Variants in DLG2 observed in about 807,000 individuals in gnomAD.
DLG2 encodes discs large MAGUK scaffold protein 2, also known as disks large homolog 2.
Under a neutral mutation model 132.5 loss-of-function variants are expected in DLG2, and 45 were observed. The ratio of observed to expected loss-of-function variants is 0.34; its 90% CI spans 0.27 to 0.44. The LOEUF (loss-of-function observed/expected upper bound fraction) is 0.44. DLG2 is among the 20% of genes least tolerant of loss of function. DLG2 has a pLI of 1.00. For missense variants in DLG2, 1,045 were observed against 1,196.9 expected, an observed-to-expected ratio of 0.87 and a Z score of 1.87; for synonymous variants, 424 against 419.6, an observed-to-expected ratio of 1.01 and a Z score of -0.13.
intron 19 of DLG2, among the ~76,000 whole-genome samples, chr11:83,630,155 A>G (rs2063318701): frequency 6.6e-6 from 1 of 152,210 alleles, no homozygotes. Flanking sequence ...TATTTAAAAT[A>G]CTGCCTGGCT....
chr11:84,115,046 C>A (rs2093566892), intron 9 of DLG2, among the ~76,000 whole-genome samples: 1 of 152,140 alleles, frequency 6.6e-6, no homozygotes, highest in South Asian at 2.1e-4. Flanking sequence ...GTTTTATATT[C>A]TATTTGTTAA....
intron 7 of DLG2, among the ~76,000 whole-genome samples, chr11:84,456,788 T>C (rs1470573485): frequency 6.6e-6 from 1 of 151,246 alleles, no homozygotes. Context: ...AGAATGCAAG[T>C]TCTGTGAAGG....
Position 84,910,710 on chromosome 11 carries a change from C to G in DLG2, c.357+200951G>C, listed in dbSNP as rs1435451299. Among the ~76,000 whole-genome samples the G allele has an allele frequency of 1.3e-5, 2 of 151,998 alleles. 1 individual carries two copies. The highest frequency in any genetic ancestry group is 2.9e-5 in the Non-Finnish European group (2 of 68,006). Reference sequence around the variant, plus strand: ...GGAGGATAGTTTGAGCCCAGGAGTTCGAGACCTGCCTGGGCAATATAGCGA... The same window carrying G: ...GGAGGATAGTTTGAGCCCAGGAGTTGGAGACCTGCCTGGGCAATATAGCGA... On this transcript the variant is annotated intron_variant, in intron 6 of 27. Transcript: ENST00000376104.
intron 18 of DLG2, among the ~76,000 whole-genome samples, chr11:83,785,366 T>G (rs1450436156): frequency 6.6e-6 from 1 of 152,182 alleles, no homozygotes; most frequent in African/African-American, 2.4e-5. Context: ...TGATGGATAA[T>G]TTTTAAAGCA....
At chr11:85,606,011 C>G (rs918332818) in intron 2 of DLG2, among the ~76,000 whole-genome samples, 12 of 151,876 alleles carry the variant, frequency 7.9e-5, no homozygotes, top group Non-Finnish European at 1.8e-4. Flanking sequence ...TCATAAGGTA[C>G]CAGGTACCAT....
intron 7 of DLG2, among the ~76,000 whole-genome samples, chr11:84,492,208 C>T (rs2099167045): frequency 6.6e-6 from 1 of 152,066 alleles, no homozygotes; most frequent in Non-Finnish European, 1.5e-5. Context: ...AATTATTTTA[C>T]CCCATAGAAT....
intron 7 of DLG2, among the ~76,000 whole-genome samples, chr11:84,374,455 C>A (rs550477704): frequency 4.6e-5 from 7 of 152,258 alleles, no homozygotes; most frequent in African/African-American, 1.4e-4. Flanking sequence ...TGTAAACTTT[C>A]TTAAAATATA....
chr11:84,042,637 G>C (rs927798135), intron 11 of DLG2, among the ~76,000 whole-genome samples: 3 of 151,700 alleles, frequency 2.0e-5, no homozygotes, highest in Non-Finnish European at 4.4e-5. Flanking sequence ...TAAGTTCCAG[G>C]GTACATGTGC....
At chr11:84,019,694 A>C (rs2154075893) in intron 11 of DLG2, among the ~76,000 whole-genome samples, 1 of 152,304 alleles carries the variant, frequency 6.6e-6, no homozygotes, top group Admixed American at 6.5e-5. Context: ...ACACAGAAAC[A>C]GACATGCATA....
chr11:84,088,091 T>G (rs758263326), intron 10 of DLG2, among the ~76,000 whole-genome samples: 43 of 152,208 alleles, frequency 2.8e-4, no homozygotes, highest in Non-Finnish European at 5.0e-4. Context: ...ATCTTTTAAC[T>G]TCTTGATAGT....
At position 85,219,938 on chromosome 11, in the gene DLG2, C is replaced by T. The variant is rs147081023; in HGVS notation, c.186+65282G>A. Among the ~76,000 whole-genome samples, 118 of 151,826 alleles carry T rather than the reference C, an allele frequency of 7.8e-4. 1 individual carries two copies. Among genetic ancestry groups the T allele is most frequent in the African/African-American group, 2.8e-3 (115 of 41,372 alleles). Reference sequence around the variant, plus strand: ...TTTGATTTGACATCCCAGGTCACTGCCTTATTTATGAAACCGAAACTTCCC... The same window carrying T: ...TTTGATTTGACATCCCAGGTCACTGTCTTATTTATGAAACCGAAACTTCCC... On this transcript the variant is annotated intron_variant, in intron 4 of 27. Transcript: ENST00000376104.
intron 12 of DLG2, among the ~76,000 whole-genome samples, chr11:83,967,037 A>C (rs1032417424): frequency 3.1e-4 from 47 of 152,144 alleles, no homozygotes; most frequent in African/African-American, 8.2e-4. Context: ...ATGCCCTCCA[A>C]GTCTACCCAT....
At chr11:83,517,443 T>A (rs2095334295) in intron 21 of DLG2, among the ~76,000 whole-genome samples, 1 of 152,198 alleles carries the variant, frequency 6.6e-6, no homozygotes, top group African/African-American at 2.4e-5. Context: ...TCAAGGTTTT[T>A]AACTTCTTTG....
rs1422226855 is a variant in DLG2, at chr11:85,097,458, T to A, written c.357+14203A>T. ...TAGCAGGCACCCTGTAAATATATAT[T>A]GAATTAATAAAGGAGGGAAGATAGA... On this transcript the variant is annotated intron_variant, in intron 6 of 27. Coordinates refer to ENST00000376104, the MANE Select transcript of DLG2 (RefSeq NM_001142699.3). Among the ~76,000 whole-genome samples the A allele has an allele frequency of 5.3e-5, 8 of 152,152 alleles. No homozygotes were observed. The East Asian group carries it at 1.5e-3, about 29-fold the overall frequency.
At chr11:84,995,693 G>C (rs1459517784) in intron 6 of DLG2, among the ~76,000 whole-genome samples, 6 of 151,814 alleles carry the variant, frequency 4.0e-5, no homozygotes, top group African/African-American at 1.2e-4. Flanking sequence ...AGAAATAATA[G>C]AGCCCAACTT....
At position 85,414,572 on chromosome 11, in the gene DLG2, G is replaced by A. The variant is rs537985349; in HGVS notation, c.41-129207C>T. Among the ~76,000 whole-genome samples, 25 of 151,928 alleles carry A rather than the reference G, an allele frequency of 1.6e-4. 1 individual carries two copies. The South Asian group carries it at 3.1e-3, about 19-fold the overall frequency. On this transcript the variant is annotated intron_variant, in intron 3 of 27. Transcript: ENST00000376104. Reference sequence around the variant, plus strand: ...CTGTTGAATAGAATGTATATTCTGCGGTTTTTGGATGTAATATTCTATATA... The same window carrying A: ...CTGTTGAATAGAATGTATATTCTGCAGTTTTTGGATGTAATATTCTATATA...
intron 15 of DLG2, among the ~76,000 whole-genome samples, chr11:83,920,417 C>A (rs1168022746): frequency 6.6e-6 from 1 of 152,126 alleles, no homozygotes; most frequent in African/African-American, 2.4e-5. Context: ...ATATTTAGAT[C>A]TCTATATAAA....
At chr11:83,467,764 A>AGTATATAT (rs1565337995) in intron 25 of DLG2, among the ~76,000 whole-genome samples, 4 of 77,976 alleles carry the variant, frequency 5.1e-5, no homozygotes, top group African/African-American at 1.6e-4. Flanking sequence ...AAAAATAAAA[A>AGTATATAT]CTATATGTAT....
At chr11:85,490,320 A>C (rs1417152528) in intron 3 of DLG2, among the ~76,000 whole-genome samples, 14 of 152,004 alleles carry the variant, frequency 9.2e-5, no homozygotes, top group Admixed American at 9.2e-4. Flanking sequence ...ATAGTGAAAA[A>C]ATAGTAGAAA....
Sources: gnomAD v4.1 joint callset for allele counts (sites outside exome capture counted in the v4.1 genomes callset) on GRCh38, gnomAD v4.1.1 for gene constraint, MANE v1.5 for transcripts, NCBI Gene and HGNC (gene_info 2026-07-23, HGNC 2026-07-21) for gene names.